CADPS2: variants seen among roughly 807,000 people sequenced by gnomAD.
The protein encoded by CADPS2 is calcium-dependent secretion activator 2.
A neutral mutation model predicts 172.5 loss-of-function variants in CADPS2; 93 were observed. The ratio of observed to expected loss-of-function variants is 0.54; its 90% confidence interval spans 0.46 to 0.64. The LOEUF (loss-of-function observed/expected upper bound fraction) is 0.64. CADPS2 is among the 30% of genes least tolerant of loss of function. The probability of loss-of-function intolerance (pLI) is 0.00; values close to 1 mark genes in which losing one functional copy is unlikely to be tolerated. For synonymous variants in CADPS2, 546 were observed against 555.2 expected (o/e 0.98, Z 0.23); for missense variants, 1,420 against 1,565.9 (o/e 0.91, Z 1.57).
chr7:122,384,086 C>T (rs546464485), intron 24 of CADPS2, among the ~76,000 whole-genome samples: 4 of 152,192 alleles, frequency 2.6e-5, no homozygotes, highest in South Asian at 2.1e-4. Context: ...CGACATCTGT[C>T]CCTGAGGGAC....
chr7:122,755,810 G>C (rs991149407), intron 1 of CADPS2, among the ~76,000 whole-genome samples: 1 of 151,828 alleles, frequency 6.6e-6, no homozygotes, highest in Non-Finnish European at 1.5e-5. Flanking sequence ...AATATGTAAA[G>C]GCTTTGAGAT....
intron 12 of CADPS2, among the ~76,000 whole-genome samples, chr7:122,478,142 C>T (rs1210811191): frequency 6.6e-6 from 1 of 152,098 alleles, no homozygotes; most frequent in Non-Finnish European, 1.5e-5. Context: ...AGTCAATTAC[C>T]AAATCCAAGG....
chr7:122,717,982 T>A (rs1023578114), intron 2 of CADPS2, among the ~76,000 whole-genome samples: 9 of 17,768 alleles, frequency 5.1e-4, no homozygotes, highest in African/African-American at 1.4e-3. Flanking sequence ...GGCTAATTTT[T>A]TTTTTTTTTT....
At chr7:122,605,220 T>C (rs912151874) in intron 6 of CADPS2, among the ~76,000 whole-genome samples, 5 of 152,030 alleles carry the variant, frequency 3.3e-5, no homozygotes, top group Admixed American at 2.0e-4. Context: ...GAGTAAGTGG[T>C]GAGTAAATGT....
intron 9 of CADPS2, among the ~76,000 whole-genome samples, chr7:122,497,530 C>T (rs1190597392): frequency 2.0e-5 from 3 of 152,248 alleles, no homozygotes; most frequent in South Asian, 2.1e-4. Context: ...GCTTTACTTC[C>T]ATTACCCATT....
intron 1 of CADPS2, among the ~76,000 whole-genome samples, chr7:122,762,449 A>G (rs755309896): frequency 6.6e-6 from 1 of 152,184 alleles, no homozygotes; most frequent in Non-Finnish European, 1.5e-5. Flanking sequence ...AAATCATTGT[A>G]ATACAAAGAT....
chr7:122,328,814 T>C (rs1188623750), intron 28 of CADPS2, among the ~76,000 whole-genome samples: 2 of 152,122 alleles, frequency 1.3e-5, no homozygotes, highest in African/African-American at 4.8e-5. Flanking sequence ...TGGTAAATCA[T>C]ATTAGCAGCC....
At chr7:122,379,857 T>G (rs2042784464) in intron 24 of CADPS2, among the ~76,000 whole-genome samples, 1 of 152,138 alleles carries the variant, frequency 6.6e-6, no homozygotes, top group Non-Finnish European at 1.5e-5. Flanking sequence ...CTCTCATTCA[T>G]AAGTTATTTT....
intron 3 of CADPS2, among the ~76,000 whole-genome samples, chr7:122,633,582 C>T (rs533294884): frequency 6.2e-4 from 95 of 152,170 alleles, no homozygotes; most frequent in African/African-American, 2.2e-3. Flanking sequence ...TTTATCAGTT[C>T]GAGAAGCTTT....
At chr7:122,444,963 G>C (rs1166619317) in intron 15 of CADPS2, among the ~76,000 whole-genome samples, 8 of 152,102 alleles carry the variant, frequency 5.3e-5, no homozygotes, top group Non-Finnish European at 1.2e-4. Flanking sequence ...GAGGTCAATA[G>C]TTTGCATTTG....
intron 7 of CADPS2, among the ~76,000 whole-genome samples, chr7:122,555,368 T>C (rs1054520915): frequency 2.6e-5 from 4 of 152,120 alleles, no homozygotes; most frequent in Admixed American, 2.0e-4. Flanking sequence ...TCTTCAGATG[T>C]TAGGTGCCAT....
At chr7:122,740,044 C>G (rs958786086) in intron 1 of CADPS2, among the ~76,000 whole-genome samples, 2 of 151,988 alleles carry the variant, frequency 1.3e-5, no homozygotes, top group Non-Finnish European at 1.5e-5. Flanking sequence ...TACTACAAAC[C>G]CATTAGAAAG....
chr7:122,650,861 T>C (rs192989053), intron 3 of CADPS2, among the ~76,000 whole-genome samples: 4 of 152,262 alleles, frequency 2.6e-5, no homozygotes, highest in Non-Finnish European at 5.9e-5. Flanking sequence ...ATTTACATTA[T>C]GATACATTTA....
intron 25 of CADPS2, among the ~76,000 whole-genome samples, chr7:122,369,127 T>TCCC (rs68130351): frequency 4.2e-4 from 21 of 49,754 alleles, no homozygotes; most frequent in South Asian, 1.2e-3. Flanking sequence ...AATTTTTGTT[T>TCCC]CCCCCCCCCC....
chr7:122,532,193 T>C (rs1412178003), intron 8 of CADPS2, among the ~76,000 whole-genome samples: 3 of 152,152 alleles, frequency 2.0e-5, no homozygotes, highest in Admixed American at 6.5e-5. Context: ...TTATCTCAAA[T>C]TGTTCCTTTT....
intron 25 of CADPS2, among the ~76,000 whole-genome samples, chr7:122,374,290 A>T (rs2042091683): frequency 6.6e-6 from 1 of 152,194 alleles, no homozygotes. Context: ...CACAGTTGAC[A>T]TCATATTCAG....
intron 6 of CADPS2, among the ~76,000 whole-genome samples, chr7:122,610,261 T>C (rs1328048865): frequency 2.6e-5 from 4 of 152,014 alleles, no homozygotes; most frequent in African/African-American, 9.7e-5. Context: ...TCAGAAGCCC[T>C]TTCAAATACA....
Position 122,762,011 on chromosome 7 carries a change from A to AT in CADPS2, c.340-24944_340-24943insA, listed in dbSNP as rs1490424457. Among the ~76,000 whole-genome samples, 113 of 80,396 alleles carry AT rather than the reference A, an allele frequency of 1.4e-3. 2 individuals are homozygous for AT. Among genetic ancestry groups the AT allele is most frequent in the South Asian group, 6.1e-3 (12 of 1,972 alleles). 52.7% of individuals were successfully genotyped at this position (80,396 alleles called of 152,430 possible). Reference sequence around the variant, plus strand: ...GACTCTGCCTCAAAAAAAAAAAAAAAAAATATATATATATATATACACACA... The same window carrying AT: ...GACTCTGCCTCAAAAAAAAAAAAAAATAAATATATATATATATATACACACA... On this transcript the variant is annotated intron_variant, in intron 1 of 29. Transcript: ENST00000449022.
intron 15 of CADPS2, among the ~76,000 whole-genome samples, chr7:122,443,710 C>CAAA (rs56137420): frequency 0.022 from 1,274 of 57,768 alleles, 56 homozygotes; most frequent in Middle Eastern, 0.087. Context: ...CTGCTTTCTA[C>CAAA]AAAAAAAAAA....
Sources: allele counts gnomAD v4.1 joint callset (sites outside exome capture counted in the v4.1 genomes callset), GRCh38; gene constraint gnomAD v4.1.1; transcripts MANE v1.5; gene names NCBI Gene and HGNC (gene_info 2026-07-23, HGNC 2026-07-21).